CSMD1: variants seen among roughly 807,000 people sequenced by gnomAD.
CSMD1 encodes the protein CUB and Sushi multiple domains 1, also known as CUB and sushi domain-containing protein 1.
In CSMD1, 213 loss-of-function variants were observed where a neutral mutation model predicts 417.5. The observed-to-expected ratio is 0.51, with a 90% CI of 0.46 to 0.57. The LOEUF is 0.57. CSMD1 is among the 20% of genes least tolerant of loss of function. The pLI is 0.00. For synonymous variants in CSMD1, 2,862 were observed against 1,736.8 expected (o/e 1.65, Z -16.11); for missense variants, 6,923 against 4,529.7 (o/e 1.53, Z -15.17).
rs1396331288 is a variant in CSMD1, at chr8:3,898,146, G to C, written c.818+99757C>G. On this transcript the variant is annotated intron_variant, in intron 5 of 69. Transcript: ENST00000635120. Reference sequence around the variant, plus strand: ...CAGAGTTTCTACCAGCTGAGTCAAAGTGGAGTCAACTATAAGCCATCAATC... The same window carrying C: ...CAGAGTTTCTACCAGCTGAGTCAAACTGGAGTCAACTATAAGCCATCAATC... 9.2e-5 allele frequency among the ~76,000 whole-genome samples: 14 copies of C among 152,268 alleles called. No homozygotes were observed. In the South Asian group the frequency reaches 2.9e-3, roughly 32 times the overall value.
intron 3 of CSMD1, among the ~76,000 whole-genome samples, chr8:4,089,559 T>A (rs982795414): frequency 1.3e-5 from 2 of 152,192 alleles, no homozygotes; most frequent in Non-Finnish European, 2.9e-5. Flanking sequence ...GGATTCTGAC[T>A]TGCATTACTT....
At chr8:3,094,353 C>T (rs1023797555) in intron 47 of CSMD1, among the ~76,000 whole-genome samples, 4 of 152,156 alleles carry the variant, frequency 2.6e-5, no homozygotes, top group Admixed American at 1.3e-4. Flanking sequence ...GATCCATTCA[C>T]CTCGGTCTCC....
intron 6 of CSMD1, among the ~76,000 whole-genome samples, chr8:3,744,700 C>T (rs1234013494): frequency 1.1e-4 from 16 of 152,078 alleles, no homozygotes; most frequent in South Asian, 4.2e-4. Context: ...AAACATGAAA[C>T]GTTGTCTGGG....
chr8:4,251,201 C>A lies in CSMD1; in HGVS notation c.415+168752G>T, dbSNP rs141729417. Among the ~76,000 whole-genome samples, 220 of 152,150 alleles carry A rather than the reference C, an allele frequency of 1.4e-3. 6 individuals are homozygous for A. Among genetic ancestry groups the A allele is most frequent in the Admixed American group, 0.013 (194 of 15,282 alleles). On this transcript the variant is annotated intron_variant, in intron 3 of 69. Coordinates refer to ENST00000635120, the MANE Select transcript of CSMD1 (RefSeq NM_033225.6). The stretch of plus-strand genomic sequence containing the variant: ...ATATAATAGAAAGTGAACAAGTTTA[C>A]AATAAATAAAACCTATAACAGCTAA...
At chr8:4,772,692 G>T (rs776337816) in intron 1 of CSMD1, among the ~76,000 whole-genome samples, 2 of 152,142 alleles carry the variant, frequency 1.3e-5, no homozygotes, top group African/African-American at 4.8e-5. Flanking sequence ...ATCTGTGAAA[G>T]GATGTGCATT....
chr8:4,653,362 C>T (rs949230373), intron 1 of CSMD1, among the ~76,000 whole-genome samples: 1 of 152,048 alleles, frequency 6.6e-6, no homozygotes, highest in Non-Finnish European at 1.5e-5. Flanking sequence ...GCTATCTTTC[C>T]GTGCTGCAGT....
intron 3 of CSMD1, among the ~76,000 whole-genome samples, chr8:4,368,598 G>C (rs1312268391): frequency 6.6e-6 from 1 of 152,018 alleles, no homozygotes; most frequent in Non-Finnish European, 1.5e-5. Flanking sequence ...AATACATTTG[G>C]TCCAGGACTT....
intron 11 of CSMD1, among the ~76,000 whole-genome samples, chr8:3,479,813 G>A (rs561947569): frequency 5.9e-4 from 90 of 151,884 alleles, no homozygotes; most frequent in African/African-American, 2.1e-3. Flanking sequence ...TTAAAGCCAG[G>A]TCGCTTAAAA....
intron 27 of CSMD1, among the ~76,000 whole-genome samples, chr8:3,227,606 T>A (rs1310801938): frequency 6.6e-6 from 1 of 152,094 alleles, no homozygotes; most frequent in East Asian, 1.9e-4. Flanking sequence ...AAATAGATAC[T>A]AGAGAGTGGC....
At chr8:3,897,488 T>A (rs937282831) in intron 5 of CSMD1, among the ~76,000 whole-genome samples, 1 of 152,156 alleles carries the variant, frequency 6.6e-6, no homozygotes, top group Non-Finnish European at 1.5e-5. Flanking sequence ...TTATTTATGA[T>A]CTTAAAGTCA....
intron 4 of CSMD1, among the ~76,000 whole-genome samples, chr8:4,003,253 T>G (rs1585114187): frequency 1.3e-5 from 2 of 151,882 alleles, no homozygotes; most frequent in South Asian, 2.1e-4. Flanking sequence ...AGTAGCTGGG[T>G]GTGGTGACGG....
At chr8:4,233,403 A>G (rs966485530) in intron 3 of CSMD1, among the ~76,000 whole-genome samples, 1 of 152,198 alleles carries the variant, frequency 6.6e-6, no homozygotes, top group Admixed American at 6.5e-5. Context: ...GTTTTCCACA[A>G]AATTCATGTG....
At chr8:4,268,009 G>C (rs62481984) in intron 3 of CSMD1, among the ~76,000 whole-genome samples, 2 of 151,998 alleles carry the variant, frequency 1.3e-5, no homozygotes, top group African/African-American at 4.8e-5. Flanking sequence ...GGAGCAGATA[G>C]GAATAAGACA....
At chr8:4,905,733 T>G (rs569643272) in intron 1 of CSMD1, among the ~76,000 whole-genome samples, 9 of 142,022 alleles carry the variant, frequency 6.3e-5, no homozygotes, top group South Asian at 2.3e-4. Context: ...GGCAGGAGAA[T>G]GGCGTGAAAC....
intron 1 of CSMD1, among the ~76,000 whole-genome samples, chr8:4,762,257 T>C (rs145967176): frequency 2.6e-5 from 4 of 152,158 alleles, no homozygotes; most frequent in Admixed American, 2.0e-4. Context: ...TCTAAACTAA[T>C]GGGATAATTG....
At chr8:4,254,227 T>A (rs910381615) in intron 3 of CSMD1, among the ~76,000 whole-genome samples, 6 of 152,096 alleles carry the variant, frequency 3.9e-5, no homozygotes, top group Admixed American at 3.3e-4. Flanking sequence ...TTTCCTTTTA[T>A]CTTTAGCTTT....
At position 4,529,037 on chromosome 8, in the gene CSMD1, C is replaced by T. The variant is rs573952737; in HGVS notation, c.302+108305G>A. ...TTTCTTTGTGATGATATATGTGAGA[C>T]GGTGTTTTTTTAAAAAATGATGATC... On this transcript the variant is annotated intron_variant, in intron 2 of 69. Transcript: ENST00000635120. 4.1e-4 allele frequency among the ~76,000 whole-genome samples: 62 copies of T among 152,114 alleles called. No homozygotes were observed. In the East Asian group the frequency reaches 5.4e-3, roughly 13 times the overall value.
chr8:4,643,493 C>T (rs1363636695), intron 1 of CSMD1, among the ~76,000 whole-genome samples: 1 of 151,948 alleles, frequency 6.6e-6, no homozygotes, highest in African/African-American at 2.4e-5. Flanking sequence ...ACGTAGCTAT[C>T]AAGCAACTCT....
chr8:4,133,700 A>G (rs1803246799), intron 3 of CSMD1, among the ~76,000 whole-genome samples: 1 of 23,964 alleles, frequency 4.2e-5, no homozygotes, highest in Admixed American at 8.0e-4. Context: ...ACACCATAAT[A>G]CATAAAGTGT....
Sources: allele counts gnomAD v4.1 joint callset (sites outside exome capture counted in the v4.1 genomes callset), GRCh38; gene constraint gnomAD v4.1.1; transcripts MANE v1.5; gene names NCBI Gene and HGNC (gene_info 2026-07-23, HGNC 2026-07-21).